The following PDCD6IP variants were observed in gnomAD, a reference collection of about 807,000 sequenced individuals.
PDCD6IP encodes the protein programmed cell death 6 interacting protein, also known as programmed cell death 6-interacting protein.
In PDCD6IP, 43 loss-of-function variants were observed where a neutral mutation model predicts 103.7. The ratio of observed to expected loss-of-function variants is 0.41; its 90% CI spans 0.32 to 0.53. PDCD6IP has a LOEUF of 0.53. Among genes scored for constraint, PDCD6IP ranks in the 20% least tolerant of loss-of-function variants. PDCD6IP has a pLI of 0.16. For missense variants in PDCD6IP, 871 were observed against 1,036.7 expected (o/e 0.84, Z 2.20); for synonymous variants, 354 against 378.7 (o/e 0.93, Z 0.76).
At chr3:33,830,481 A>G (rs1697221944) in intron 7 of PDCD6IP, among the ~76,000 whole-genome samples, 1 of 152,198 alleles carries the variant, frequency 6.6e-6, no homozygotes, top group African/African-American at 2.4e-5. Flanking sequence ...GAAAAAGGAA[A>G]CTATTTCAGA....
At chr3:33,854,900 G>A (rs908291188) in intron 14 of PDCD6IP, 4 of 211,466 alleles carry the variant, frequency 1.9e-5, no homozygotes, top group Non-Finnish European at 3.7e-5. Context: ...GAATTAGGAA[G>A]GTTTTCATGA....
At chr3:33,805,677 C>T (rs1338847383) in intron 1 of PDCD6IP, among the ~76,000 whole-genome samples, 7 of 150,244 alleles carry the variant, frequency 4.7e-5, no homozygotes, top group Admixed American at 4.6e-4. Context: ...GTCTTGGCCT[C>T]CCAAGTGCTG....
chr3:33,866,586 T>A lies in PDCD6IP; in HGVS notation c.*61T>A, dbSNP rs1288700775. On this transcript the variant is annotated 3_prime_UTR_variant, in exon 18 of 18. Coordinates refer to ENST00000307296, the MANE Select transcript of PDCD6IP (RefSeq NM_013374.6). ...AGGGAAAGAAATACCAACCCTGCAATAAGTGTACTAAACTCTACGCTCTGG... is the reference window on the plus strand; with the variant it reads ...AGGGAAAGAAATACCAACCCTGCAAAAAGTGTACTAAACTCTACGCTCTGG... The A allele has an allele frequency of 7.5e-7, 1 of 1,337,998 alleles. No individual in the cohort carries two copies. Among genetic ancestry groups the A allele is most frequent in the East Asian group, 2.4e-5 (1 of 41,756 alleles). The allele number at this position is 1,337,998 out of a possible 1,614,324, so 82.9% of individuals were successfully genotyped here. A position where few individuals can be genotyped will look rare whatever the true frequency, so the allele number is the denominator to read the frequency against.
chr3:33,810,656 A>T (rs1696696139), intron 1 of PDCD6IP, among the ~76,000 whole-genome samples: 1 of 152,158 alleles, frequency 6.6e-6, no homozygotes, highest in East Asian at 1.9e-4. Flanking sequence ...ATGAGTTAAA[A>T]ACTAGCTGGG....
At chr3:33,859,261 A>T (rs1268344926) in intron 15 of PDCD6IP, among the ~76,000 whole-genome samples, 1 of 152,198 alleles carries the variant, frequency 6.6e-6, no homozygotes, top group Non-Finnish European at 1.5e-5. Flanking sequence ...TAAATGAAAT[A>T]TAAGGTGTAA....
intron 12 of PDCD6IP, among the ~76,000 whole-genome samples, chr3:33,846,384 G>A (rs1048887342): frequency 2.0e-5 from 3 of 152,124 alleles, no homozygotes; most frequent in African/African-American, 7.2e-5. Flanking sequence ...AGGCACTATG[G>A]TAGGTACATT....
chr3:33,847,081 C>G (rs1697608972), intron 12 of PDCD6IP, among the ~76,000 whole-genome samples: 1 of 152,182 alleles, frequency 6.6e-6, no homozygotes, highest in Non-Finnish European at 1.5e-5. Context: ...AACAACGAAC[C>G]TGAAGAAGAA....
At position 33,828,958 on chromosome 3, in the gene PDCD6IP, G is replaced by A. The variant is rs771633980; in HGVS notation, c.823G>A (p.Ala275Thr). The change falls in exon 7 of 18, where the codon GCA (alanine) becomes ACA (threonine). Residue 275 changes from alanine (A) to threonine (T), a missense_variant. Ala to Thr is a moderately conservative substitution (Grantham distance 58). This residue lies in a region of PDCD6IP where 242 missense variants were observed against 250.7 expected (regional missense o/e 0.97). Coordinates refer to ENST00000307296, the MANE Select transcript of PDCD6IP (RefSeq NM_013374.6). The stretch of plus-strand genomic sequence containing the variant: ...GCAGAAGAAATTTGGAGAAGAAATT[G>A]CAAGGTTACAGGTGAGTCTCTTGGT... ...KQQKKFGEEI[A>T]RLQHAAELIK... is the part of the protein sequence containing the mutation. The A allele has an allele frequency of 6.2e-7, 1 of 1,608,258 alleles. No individual in the cohort carries two copies. Among genetic ancestry groups the A allele is most frequent in the Non-Finnish European group, 8.5e-7 (1 of 1,176,792 alleles).
rs1698090655 is a variant in PDCD6IP, at chr3:33,867,459, T to C, written c.*934T>C. 1 of 152,198 alleles carries C rather than the reference T, an allele frequency of 6.6e-6. No homozygotes were observed. The highest frequency in any genetic ancestry group is 1.5e-5 in the Non-Finnish European group (1 of 68,014). The allele number at this position is 152,198 out of a possible 1,614,324, so 9.4% of individuals were successfully genotyped here. A position where few individuals can be genotyped will look rare whatever the true frequency, so the allele number is the denominator to read the frequency against. On this transcript the variant is annotated 3_prime_UTR_variant, in exon 18 of 18. Transcript: ENST00000307296. The stretch of plus-strand genomic sequence containing the variant: ...GGGGAACACTTACTGTACCCTCTCA[T>C]CCTTTTTCCACCTTACTGTGTTAAC...
chr3:33,859,743 C>A (rs1294440826), intron 15 of PDCD6IP, among the ~76,000 whole-genome samples: 2 of 152,104 alleles, frequency 1.3e-5, no homozygotes, highest in African/African-American at 4.8e-5. Context: ...ATGGTGCAAT[C>A]CTTGTGTTGG....
In PDCD6IP at chr3:33,798,767, A is replaced by G; in HGVS notation, c.39A>G (p.Ser13=). 4.4e-6 allele frequency: 7 copies of G among 1,575,480 alleles called. No individual in the cohort carries two copies. The highest frequency in any genetic ancestry group is 6.0e-6 in the Non-Finnish European group (7 of 1,161,344). ...TFISVQLKKT[S]EVDLAKPLVK... is the part of the protein sequence containing the mutation. Reference sequence around the variant, plus strand: ...TCTCGGTGCAGCTGAAAAAGACCTCAGAGGTGGACCTGGCCAAGCCGCTGG... The same window carrying G: ...TCTCGGTGCAGCTGAAAAAGACCTCGGAGGTGGACCTGGCCAAGCCGCTGG... The change falls in exon 1 of 18, where the codon TCA becomes TCG. Residue 13 remains serine, a synonymous_variant. Coordinates refer to ENST00000307296, the MANE Select transcript of PDCD6IP (RefSeq NM_013374.6).
intron 6 of PDCD6IP, 49 bp from the exon 7 acceptor site, chr3:33,828,804 G>A (rs1697185029): frequency 6.2e-6 from 10 of 1,604,886 alleles, no homozygotes; most frequent in Non-Finnish European, 8.5e-6. Flanking sequence ...TGTTGTCTGT[G>A]GTGGTTTGTG....
At chr3:33,814,970 A>C (rs1696813995) in intron 3 of PDCD6IP, among the ~76,000 whole-genome samples, 1 of 147,378 alleles carries the variant, frequency 6.8e-6, no homozygotes, top group African/African-American at 2.5e-5. Context: ...AGTATGTATA[A>C]TATGCCTTAT....
chr3:33,864,522 G>A (rs972948599), intron 16 of PDCD6IP, among the ~76,000 whole-genome samples: 1 of 152,188 alleles, frequency 6.6e-6, no homozygotes, highest in Non-Finnish European at 1.5e-5. Flanking sequence ...GAAAAGAGAT[G>A]AAAGTTTCCT....
chr3:33,832,669 T>TAGAA (rs1368228313), intron 7 of PDCD6IP, among the ~76,000 whole-genome samples: 3 of 152,210 alleles, frequency 2.0e-5, no homozygotes, highest in Non-Finnish European at 4.4e-5. Context: ...ATTCACGGTA[T>TAGAA]ATATTGGGAT....
chr3:33,815,394 TA>T (rs1192086967), intron 3 of PDCD6IP, among the ~76,000 whole-genome samples: 1 of 152,182 alleles, frequency 6.6e-6, no homozygotes. Context: ...TAAATAGTCT[TA>T]CTGAATTCTC....
chr3:33,823,170 TCC>T lies in PDCD6IP; in HGVS notation c.462+1089_462+1090del, dbSNP rs1697033768. 2.0e-5 allele frequency among the ~76,000 whole-genome samples: 3 copies of T among 152,260 alleles called. No individual in the cohort carries two copies. The South Asian group carries it at 6.2e-4, about 32-fold the overall frequency. The stretch of plus-strand genomic sequence containing the variant: ...ATTTTACATACGAGGAGGCTAAAGG[TCC>T]GAAGTCTTAATAAAGCAGTCTATTT... On this transcript the variant is annotated intron_variant, in intron 4 of 17. Transcript: ENST00000307296.
At chr3:33,855,104 C>T (rs1697798085) in intron 14 of PDCD6IP, 62 bp from the exon 15 acceptor site, 1 of 981,568 alleles carries the variant, frequency 1.0e-6, no homozygotes, top group Admixed American at 1.7e-5. Flanking sequence ...CTTTAGATCA[C>T]ATTACTCTCT....
intron 7 of PDCD6IP, among the ~76,000 whole-genome samples, chr3:33,834,541 G>C (rs1271293019): frequency 6.6e-6 from 1 of 152,142 alleles, no homozygotes; most frequent in Admixed American, 6.5e-5. Flanking sequence ...CATGATACCA[G>C]CTTTGGAGGT....
Sources: allele counts gnomAD v4.1 joint callset (sites outside exome capture counted in the v4.1 genomes callset), GRCh38; gene constraint gnomAD v4.1.1; regional missense constraint gnomAD v4.1.1; transcripts MANE v1.5; gene names NCBI Gene and HGNC (gene_info 2026-07-23, HGNC 2026-07-21).